Variants in MISP observed in about 807,000 individuals in gnomAD.
MISP encodes mitotic interactor and substrate of PLK1.
MISP carries 51 observed loss-of-function variants against 49.3 expected under a neutral mutation model. The observed-to-expected ratio is 1.03, with a 90% CI of 0.83 to 1.31. MISP has a LOEUF of 1.31. Ranked by LOEUF, MISP falls within the 50% of genes most tolerant of loss-of-function variation. The pLI, the probability that MISP is intolerant of heterozygous loss-of-function variation, is 0.00. For missense variants in MISP, 1,084 were observed against 935.1 expected (o/e 1.16, Z -2.08); for synonymous variants, 444 against 392.6 (o/e 1.13, Z -1.55).
chr19:750,310 C>G (rs2033442829), upstream of MISP, among the ~76,000 whole-genome samples: 1 of 148,680 alleles, frequency 6.7e-6, no homozygotes, highest in African/African-American at 2.5e-5. Flanking sequence ...AGTGATTCTT[C>G]TGCCTCAGCC....
At position 758,131 on chromosome 19, in the gene MISP, A is replaced by G. The variant is rs558795495; in HGVS notation, c.1185A>G (p.Ser395=). 2 of 1,610,786 alleles carry G rather than the reference A, an allele frequency of 1.2e-6. No homozygotes were observed. The highest frequency in any genetic ancestry group is 4.5e-5 in the East Asian group (2 of 44,794). Residue 395 remains serine (S), a synonymous_variant, in exon 2 of 5, where the codon TCA becomes TCG. Transcript: ENST00000215582. ...CCGGACTCCGGAGAGCCCTCAGCTC[A>G]GATTCCATCCTCAGCCCGGCCCCAG... The part of the protein sequence containing the change: ...PQPGLRRALS[S]DSILSPAPDA...
At position 756,924 on chromosome 19, in the gene MISP, C is replaced by T. The variant is rs2144957883; in HGVS notation, c.-23C>T. 1 of 1,493,092 alleles carries T rather than the reference C, an allele frequency of 6.7e-7. No individual in the cohort carries two copies. The highest frequency in any genetic ancestry group is 9.0e-7 in the Non-Finnish European group (1 of 1,115,310). 92.5% of individuals were successfully genotyped at this position (1,493,092 alleles called of 1,614,324 possible). A position where few individuals can be genotyped will look rare whatever the true frequency, so the allele number is the denominator to read the frequency against. The stretch of plus-strand genomic sequence containing the variant: ...AGGTCTCCACCCCACGGGAGGAAGG[C>T]TGAGGCCAAGACCCCGGAAGAGATG... On this transcript the variant is annotated 5_prime_UTR_variant, in exon 2 of 5. Coordinates refer to ENST00000215582, the MANE Select transcript of MISP (RefSeq NM_173481.4).
chr19:756,952 C>T lies in MISP; in HGVS notation c.6C>T (p.Asp2=), dbSNP rs775781933. M[D]RVTRYPILGI... ...AGGCCAAGACCCCGGAAGAGATGGA[C>T]CGCGTGACCAGATACCCCATCCTGG... Residue 2 remains aspartate (D), a synonymous_variant, in exon 2 of 5, where the codon GAC becomes GAT. Coordinates refer to ENST00000215582, the MANE Select transcript of MISP (RefSeq NM_173481.4). The T allele has an allele frequency of 3.2e-6, 5 of 1,554,106 alleles. No homozygotes were observed. The highest frequency in any genetic ancestry group is 3.7e-5 in the Admixed American group (2 of 53,932).
At chr19:748,633 C>T (rs1279155254), upstream of MISP, among the ~76,000 whole-genome samples, 1 of 152,184 alleles carries the variant, frequency 6.6e-6, no homozygotes, top group Admixed American at 6.5e-5. Flanking sequence ...GGGCTCACAG[C>T]CCCTGGGTGA....
chr19:760,965 A>T (rs770418841), intron 3 of MISP, among the ~76,000 whole-genome samples: 2 of 151,800 alleles, frequency 1.3e-5, no homozygotes, highest in African/African-American at 4.8e-5. Context: ...GTTGTTAGAC[A>T]TGTAATTGTT....
chr19:752,519 A>T (rs1389336828), intron 1 of MISP, among the ~76,000 whole-genome samples: 1 of 142,176 alleles, frequency 7.0e-6, no homozygotes, highest in Non-Finnish European at 1.5e-5. Context: ...GGGAGACTCT[A>T]TCTCAAAAAA....
chr19:754,045 C>T (rs948938113), intron 1 of MISP, among the ~76,000 whole-genome samples: 1 of 152,136 alleles, frequency 6.6e-6, no homozygotes, highest in Admixed American at 6.6e-5. Context: ...CTGCTGGACA[C>T]GGTGGCTCAC....
intron 1 of MISP, among the ~76,000 whole-genome samples, chr19:754,878 G>A (rs975728102): frequency 6.6e-6 from 1 of 151,886 alleles, no homozygotes. Flanking sequence ...GGAGGGTCTG[G>A]TTTGGGTTGG....
chr19:762,390 T>C (rs2033687768), intron 4 of MISP, among the ~76,000 whole-genome samples: 1 of 150,576 alleles, frequency 6.6e-6, no homozygotes, highest in Non-Finnish European at 1.5e-5. Context: ...GTTGCTGGGA[T>C]TACAGGCACC....
upstream of MISP, among the ~76,000 whole-genome samples, chr19:750,653 CG>C (rs2033447819): frequency 6.6e-6 from 1 of 152,172 alleles, no homozygotes; most frequent in Admixed American, 6.5e-5. Flanking sequence ...CAAACCCCCC[CG>C]AGTCTGCCAA....
chr19:762,355 C>T (rs1055348014), intron 4 of MISP, among the ~76,000 whole-genome samples: 10 of 151,948 alleles, frequency 6.6e-5, no homozygotes, highest in East Asian at 3.9e-4. Flanking sequence ...CAGGTTCAAG[C>T]GATTCTCCTG....
chr19:749,532 T>C (rs1034587133), upstream of MISP, among the ~76,000 whole-genome samples: 9 of 152,232 alleles, frequency 5.9e-5, 1 homozygote, highest in Admixed American at 5.9e-4. Flanking sequence ...AGATTTGTCC[T>C]TAAACACCCC....
At chr19:753,300 C>T (rs533850851) in intron 1 of MISP, among the ~76,000 whole-genome samples, 158 of 152,240 alleles carry the variant, frequency 1.0e-3, no homozygotes, top group Admixed American at 8.9e-3. Context: ...AGTTTCAACA[C>T]GGCTCCCCAC....
At chr19:759,319 C>T (rs889988093) in intron 2 of MISP, among the ~76,000 whole-genome samples, 12 of 151,830 alleles carry the variant, frequency 7.9e-5, no homozygotes, top group East Asian at 1.9e-4. Context: ...CCACTGCTCC[C>T]GGCCTGTTCA....
At position 758,135 on chromosome 19, in the gene MISP, T is replaced by A; in HGVS notation, c.1189T>A (p.Ser397Thr). The A allele has an allele frequency of 6.2e-7, 1 of 1,611,048 alleles. No homozygotes were observed. Among genetic ancestry groups the A allele is most frequent in the South Asian group, 1.1e-5 (1 of 90,878 alleles). Residue 397 changes from serine (S) to threonine (T), a missense_variant, in exon 2 of 5, where the codon TCC (serine) becomes ACC (threonine). Physicochemically the swap from Ser to Thr is moderately conservative, Grantham distance 58. Coordinates refer to ENST00000215582, the MANE Select transcript of MISP (RefSeq NM_173481.4). Reference protein sequence around the residue: ...PGLRRALSSDSILSPAPDARA... With the variant: ...PGLRRALSSDTILSPAPDARA... ...ACTCCGGAGAGCCCTCAGCTCAGAT[T>A]CCATCCTCAGCCCGGCCCCAGATGC...
At chr19:755,047 T>C (rs182579182) in intron 1 of MISP, among the ~76,000 whole-genome samples, 4 of 143,192 alleles carry the variant, frequency 2.8e-5, no homozygotes, top group African/African-American at 1.1e-4. Flanking sequence ...AAGAGGAGGG[T>C]CTGGTTTGGG....
intron 1 of MISP, among the ~76,000 whole-genome samples, chr19:756,179 T>C (rs7255965): frequency 0.21 from 32,326 of 152,084 alleles, 4,044 homozygotes; most frequent in East Asian, 0.35. Flanking sequence ...ACTGGGGGCA[T>C]TTACGTCCCC....
intron 4 of MISP, 79 bp from the exon 5 acceptor site, chr19:763,422 A>G: frequency 1.0e-6 from 1 of 997,886 alleles, no homozygotes; most frequent in Admixed American, 1.8e-5. Flanking sequence ...AGGCCTCTCT[A>G]ATGAATTGGC....
chr19:763,567 T>C lies in MISP; in HGVS notation c.2017T>C (p.Tyr673His). Reference protein sequence around the residue: ...AMAERWESRIYASEEDD With the variant: ...AMAERWESRIHASEEDD ...GGCAGAGCGCTGGGAATCCCGCATC[T>C]ACGCCAGTGAGGAGGATGACTGAGC... Residue 673 changes from tyrosine to histidine, a missense_variant, in exon 5 of 5, where the codon TAC becomes CAC. Coordinates refer to ENST00000215582, the MANE Select transcript of MISP (RefSeq NM_173481.4). 1 of 1,613,930 alleles carries C rather than the reference T, an allele frequency of 6.2e-7. No homozygotes were observed. Among genetic ancestry groups the C allele is most frequent in the Non-Finnish European group, 8.5e-7 (1 of 1,179,906 alleles).
Sources: allele counts gnomAD v4.1 joint callset (sites outside exome capture counted in the v4.1 genomes callset), GRCh38; gene constraint gnomAD v4.1.1; transcripts MANE v1.5; gene names NCBI Gene and HGNC (gene_info 2026-07-23, HGNC 2026-07-21).